PCDHGB2: variants seen among roughly 807,000 people sequenced by gnomAD.
PCDHGB2 encodes the protein protocadherin gamma-B2.
Under a neutral mutation model 59.3 loss-of-function variants are expected in PCDHGB2, and 55 were observed. The ratio of observed to expected loss-of-function variants is 0.93; its 90% CI spans 0.75 to 1.16. The LOEUF (loss-of-function observed/expected upper bound fraction) is 1.16. PCDHGB2 is among the 50% of genes most tolerant of loss of function. The pLI is 0.00. For missense variants in PCDHGB2, 1,228 were observed against 1,198.5 expected (o/e 1.02, Z -0.36); for synonymous variants, 516 against 512.0 (o/e 1.01, Z -0.11).
At chr5:141,413,612 T>C (rs1282180585) in intron 1 of PCDHGB2, 1 of 1,613,696 alleles carries the variant, frequency 6.2e-7, no homozygotes, top group Non-Finnish European at 8.5e-7. Context: ...GACGTAAAAA[T>C]TAATGAAAAT....
At chr5:141,388,558 C>G in intron 1 of PCDHGB2, 1 of 1,613,910 alleles carries the variant, frequency 6.2e-7, no homozygotes, top group Non-Finnish European at 8.5e-7. Context: ...CTAAGCAGCA[C>G]TGCACAGATA....
chr5:141,395,413 GT>G, intron 1 of PCDHGB2: 2 of 791,446 alleles, frequency 2.5e-6, no homozygotes, highest in Non-Finnish European at 3.8e-6. Context: ...ATAGGTTATT[GT>G]TTCATTTGCT....
chr5:141,402,714 T>G (rs1024254405), intron 1 of PCDHGB2, among the ~76,000 whole-genome samples: 2 of 152,220 alleles, frequency 1.3e-5, no homozygotes, highest in African/African-American at 4.8e-5. Flanking sequence ...TAGTAACGGC[T>G]TAGGACTCTG....
At position 141,486,813 on chromosome 5, in the gene PCDHGB2, G is replaced by A; in HGVS notation, c.2422-7994G>A. On this transcript the variant is annotated intron_variant, in intron 1 of 3. Transcript: ENST00000522605. The surrounding 1 kb of genome is among the most constrained non-coding windows in gnomAD (Gnocchi z 5.0). ...GATCGGGGCAACCCACCCCTTAGCA[G>A]CACTGTAACAGTTCGTCTATTTGTG... The A allele has an allele frequency of 6.2e-7, 1 of 1,614,212 alleles. No individual in the cohort carries two copies.
intron 1 of PCDHGB2, chr5:141,415,758 T>G (rs200061978): frequency 0.08 from 111,079 of 1,380,048 alleles, 1,979 homozygotes; most frequent in African/African-American, 0.17. Context: ...TTTTTTTTTT[T>G]TTTTTTTTTT....
chr5:141,363,581 A>G (rs1484863484), intron 1 of PCDHGB2, among the ~76,000 whole-genome samples: 2 of 152,266 alleles, frequency 1.3e-5, no homozygotes, highest in Non-Finnish European at 2.9e-5. Flanking sequence ...AAAAATGCAT[A>G]GTTAACCCAA....
intron 1 of PCDHGB2, among the ~76,000 whole-genome samples, chr5:141,464,921 G>A (rs1562002597): frequency 6.6e-6 from 1 of 151,106 alleles, no homozygotes; most frequent in Non-Finnish European, 1.5e-5. Flanking sequence ...TTATTTTTTT[G>A]TAGAGATGTG....
At chr5:141,496,630 T>C (rs2099770022) in intron 2 of PCDHGB2, among the ~76,000 whole-genome samples, 1 of 152,202 alleles carries the variant, frequency 6.6e-6, no homozygotes, top group Non-Finnish European at 1.5e-5. Context: ...TCAAAAGGCT[T>C]GGGCTGCCCT....
At position 141,485,275 on chromosome 5, in the gene PCDHGB2, G is replaced by A. The variant is rs77402299; in HGVS notation, c.2422-9532G>A. The A allele has an allele frequency of 8.7e-6, 14 of 1,613,954 alleles. No homozygotes were observed. In the African/African-American group the frequency reaches 1.1e-4, roughly 12 times the overall value. ...ACGTTTGTGGGCAGATCCGCTACCC[G>A]GTCCCAGAGGAGTCACAGGAAGGGA... On this transcript the variant is annotated intron_variant, in intron 1 of 3. Transcript: ENST00000522605. The surrounding 1 kb of genome is among the most constrained non-coding windows in gnomAD (Gnocchi z 5.7).
At chr5:141,375,364 A>T (rs771379372) in intron 1 of PCDHGB2, 1 of 1,613,786 alleles carries the variant, frequency 6.2e-7, no homozygotes, top group African/African-American at 1.3e-5. Context: ...CCACGGACAA[A>T]GGAACACCAC....
Position 141,433,012 on chromosome 5 carries a change from G to C in PCDHGB2, c.2422-61795G>C. 1 of 1,614,172 alleles carries C rather than the reference G, an allele frequency of 6.2e-7. No homozygotes were observed. Among genetic ancestry groups the C allele is most frequent in the South Asian group, 1.1e-5 (1 of 91,080 alleles). The stretch of plus-strand genomic sequence containing the variant: ...TGGACGGGGTGCAGGCTTTCCTGCA[G>C]ACCTATTCCCACGAGGTTTCCCTCA... On this transcript the variant is annotated intron_variant, in intron 1 of 3. Coordinates refer to ENST00000522605, the MANE Select transcript of PCDHGB2 (RefSeq NM_018923.3).
At chr5:141,391,884 G>C (rs1192403353) in intron 1 of PCDHGB2, 1 of 152,128 alleles carries the variant, frequency 6.6e-6, no homozygotes, top group East Asian at 1.9e-4. Flanking sequence ...TTGGTGAAAG[G>C]GATGGGATGG....
Position 141,491,274 on chromosome 5 carries a change from T to C in PCDHGB2, c.2422-3533T>C, listed in dbSNP as rs2099710140. On this transcript the variant is annotated intron_variant, in intron 1 of 3. Transcript: ENST00000522605. The surrounding 1 kb of genome is among the most constrained non-coding windows in gnomAD (Gnocchi z 6.9). ...ACCCTGAGGAAATGCCCAAATCCAG[T>C]GACTTCCTCATACACCCTCCTGAGC... The C allele has an allele frequency of 6.2e-7, 1 of 1,614,102 alleles. No individual in the cohort carries two copies. Among genetic ancestry groups the C allele is most frequent in the Non-Finnish European group, 8.5e-7 (1 of 1,179,914 alleles).
chr5:141,420,337 A>G, intron 1 of PCDHGB2: 8 of 1,402,708 alleles, frequency 5.7e-6, no homozygotes, highest in Non-Finnish European at 7.6e-6. Flanking sequence ...ATTCCAATAT[A>G]GTGGTATTAT....
At chr5:141,405,450 T>G in intron 1 of PCDHGB2, 7 of 1,286,684 alleles carry the variant, frequency 5.4e-6, no homozygotes, top group South Asian at 1.4e-5. Flanking sequence ...GACAGAGTCT[T>G]ACTCTGTTAC....
intron 1 of PCDHGB2, chr5:141,365,015 C>T (rs773470378): frequency 1.2e-6 from 2 of 1,613,786 alleles, no homozygotes; most frequent in Admixed American, 3.3e-5. Context: ...CACGCACATC[C>T]GTGTTACGGT....
chr5:141,454,503 T>A (rs988138847), intron 1 of PCDHGB2, among the ~76,000 whole-genome samples: 1 of 152,308 alleles, frequency 6.6e-6, no homozygotes, highest in Non-Finnish European at 1.5e-5. Flanking sequence ...ACCTCCTGGA[T>A]TCAGGCAGTT....
intron 1 of PCDHGB2, among the ~76,000 whole-genome samples, chr5:141,437,434 G>T (rs183505868): frequency 2.6e-5 from 4 of 152,194 alleles, no homozygotes; most frequent in East Asian, 3.8e-4. Context: ...AGCAGCAATA[G>T]CATAGGAATG....
intron 1 of PCDHGB2, among the ~76,000 whole-genome samples, chr5:141,402,647 A>C (rs2094289901): frequency 6.6e-6 from 1 of 152,250 alleles, no homozygotes; most frequent in Non-Finnish European, 1.5e-5. Flanking sequence ...TCATAATTAG[A>C]AGAGAGTAGT....
Sources: gnomAD v4.1 joint callset for allele counts (sites outside exome capture counted in the v4.1 genomes callset) on GRCh38, gnomAD v4.1.1 for gene constraint, Gnocchi (gnomAD v3.1) non-coding constraint, MANE v1.5 for transcripts, NCBI Gene and HGNC (gene_info 2026-07-23, HGNC 2026-07-21) for gene names.